Variants in FARS2 observed in about 807,000 individuals in gnomAD.
FARS2 encodes the protein phenylalanine--tRNA ligase, mitochondrial.
Under a neutral mutation model 46.4 loss-of-function variants are expected in FARS2, and 40 were observed. The observed-to-expected ratio is 0.86, with a 90% CI of 0.67 to 1.12. The LOEUF (loss-of-function observed/expected upper bound fraction) is 1.12, where lower values mean the gene tolerates loss of function less well. Among genes scored for constraint, FARS2 ranks in the 50% most tolerant of loss-of-function variants. The pLI, the probability that FARS2 is intolerant of heterozygous loss-of-function variation, is 0.00. For synonymous variants in FARS2, 234 were observed against 214.9 expected (o/e 1.09, Z -0.78); for missense variants, 513 against 567.9 (o/e 0.90, Z 0.98).
At chr6:5,434,293 G>C (rs1322930836) in intron 4 of FARS2, among the ~76,000 whole-genome samples, 1 of 152,004 alleles carries the variant, frequency 6.6e-6, no homozygotes, top group Non-Finnish European at 1.5e-5. Flanking sequence ...TGTATTTTTA[G>C]TAGGGATTGG....
chr6:5,481,634 G>A (rs960567759), intron 4 of FARS2, among the ~76,000 whole-genome samples: 1 of 152,188 alleles, frequency 6.6e-6, no homozygotes, highest in African/African-American at 2.4e-5. Context: ...GTCCTTTAGA[G>A]TCACAGTCCT....
chr6:5,412,004 G>A (rs1761964451), intron 3 of FARS2, among the ~76,000 whole-genome samples: 2 of 152,092 alleles, frequency 1.3e-5, no homozygotes, highest in African/African-American at 4.8e-5. Context: ...GCTAAACATT[G>A]GCATTTCCCT....
chr6:5,577,675 G>T (rs1773066067), intron 5 of FARS2, among the ~76,000 whole-genome samples: 2 of 152,180 alleles, frequency 1.3e-5, no homozygotes, highest in African/African-American at 4.8e-5. Context: ...TAGAGAGCAA[G>T]ACTGTGGAAT....
intron 5 of FARS2, among the ~76,000 whole-genome samples, chr6:5,594,489 G>C (rs1774089763): frequency 1.3e-5 from 2 of 152,172 alleles, no homozygotes; most frequent in Admixed American, 6.5e-5. Context: ...CATGCCATTT[G>C]TTTGGTTTTT....
At chr6:5,279,189 A>G (rs1766543584) in intron 1 of FARS2, among the ~76,000 whole-genome samples, 1 of 152,024 alleles carries the variant, frequency 6.6e-6, no homozygotes, top group Admixed American at 6.6e-5. Context: ...CACCCTGGCT[A>G]ACACGGTGAA....
chr6:5,475,573 G>T (rs73354495), intron 4 of FARS2, among the ~76,000 whole-genome samples: 1,584 of 152,224 alleles, frequency 0.01, 36 homozygotes, highest in African/African-American at 0.036. Flanking sequence ...TAGAATCTCG[G>T]CTCTAGCTCA....
At chr6:5,413,440 A>G (rs1317452611) in intron 3 of FARS2, among the ~76,000 whole-genome samples, 3 of 152,162 alleles carry the variant, frequency 2.0e-5, no homozygotes, top group African/African-American at 7.2e-5. Context: ...ACTGGTACTA[A>G]TAACTCTCAG....
At chr6:5,607,728 A>C (rs1371338630) in intron 5 of FARS2, among the ~76,000 whole-genome samples, 1 of 152,162 alleles carries the variant, frequency 6.6e-6, no homozygotes, top group African/African-American at 2.4e-5. Context: ...TGACGCGTTT[A>C]TACTAGTCTT....
intron 6 of FARS2, among the ~76,000 whole-genome samples, chr6:5,634,147 C>T (rs1014206808): frequency 6.6e-6 from 1 of 151,946 alleles, no homozygotes; most frequent in Admixed American, 6.6e-5. Flanking sequence ...TTTTCTAGTT[C>T]CATCTGGAAT....
At chr6:5,399,975 A>C (rs1021810106) in intron 2 of FARS2, among the ~76,000 whole-genome samples, 2 of 152,192 alleles carry the variant, frequency 1.3e-5, no homozygotes, top group Non-Finnish European at 2.9e-5. Context: ...TTTCAGGGTA[A>C]GTAGTTAGAA....
chr6:5,314,281 AT>A (rs1769290668), intron 1 of FARS2, among the ~76,000 whole-genome samples: 1 of 152,114 alleles, frequency 6.6e-6, no homozygotes, highest in Non-Finnish European at 1.5e-5. Flanking sequence ...TACCTGGGAT[AT>A]TGAAGAGGTG....
At chr6:5,371,203 T>G in intron 2 of FARS2, 1 of 984,212 alleles carries the variant, frequency 1.0e-6, no homozygotes, top group Non-Finnish European at 1.2e-6. Flanking sequence ...AAGATTGTGG[T>G]GTTTTCTGAA....
At position 5,764,464 on chromosome 6, in the gene FARS2, G is replaced by A. The variant is rs549708762; in HGVS notation, c.1218-6827G>A. On this transcript the variant is annotated intron_variant, in intron 6 of 6. Coordinates refer to ENST00000274680, the MANE Select transcript of FARS2 (RefSeq NM_006567.5). This position sits in a 1 kb window ranked among gnomAD's most constrained non-coding sequence, Gnocchi z 4.1. ...GCCATGCACAGTGCCTCTGACGTGG[G>A]CAGCTCCAGACTGAGCTTCTGCATC... Among the ~76,000 whole-genome samples, 1 of 152,252 alleles carries A rather than the reference G, an allele frequency of 6.6e-6. No homozygotes were observed. The highest frequency in any genetic ancestry group is 1.5e-5 in the Non-Finnish European group (1 of 68,018).
chr6:5,653,874 GA>G (rs1381891841), intron 6 of FARS2, among the ~76,000 whole-genome samples: 1 of 151,942 alleles, frequency 6.6e-6, no homozygotes, highest in Non-Finnish European at 1.5e-5. Flanking sequence ...CGGGGAAGAG[GA>G]TAGTGGAGAA....
At chr6:5,259,853 T>C (rs543891394), upstream of FARS2, among the ~76,000 whole-genome samples, 1 of 151,714 alleles carries the variant, frequency 6.6e-6, no homozygotes, top group East Asian at 1.9e-4. Context: ...AGAGAATCCA[T>C]AAGAAAATGA....
intron 6 of FARS2, among the ~76,000 whole-genome samples, chr6:5,618,907 A>G (rs575356047): frequency 1.3e-5 from 2 of 152,356 alleles, no homozygotes; most frequent in South Asian, 4.1e-4. Context: ...TGAGAAGGCA[A>G]TCATGTATGT....
chr6:5,687,347 CT>C (rs1341850268), intron 6 of FARS2, among the ~76,000 whole-genome samples: 2 of 152,198 alleles, frequency 1.3e-5, no homozygotes, highest in Non-Finnish European at 2.9e-5. Flanking sequence ...ACATTTAAGT[CT>C]TTAATCCATC....
At chr6:5,362,465 T>G (rs913597584) in intron 1 of FARS2, among the ~76,000 whole-genome samples, 4 of 152,210 alleles carry the variant, frequency 2.6e-5, no homozygotes, top group African/African-American at 9.7e-5. Flanking sequence ...CACATTTTCT[T>G]TATACACTCA....
At chr6:5,432,399 ATTATGTATT>A (rs1382885100) in intron 4 of FARS2, among the ~76,000 whole-genome samples, 2,378 of 127,438 alleles carry the variant, frequency 0.019, 40 homozygotes, top group South Asian at 0.058. Context: ...CATTATATAT[ATTATGTATT>A]ATATATAATA....
Sources: allele counts gnomAD v4.1 joint callset (sites outside exome capture counted in the v4.1 genomes callset), GRCh38; gene constraint gnomAD v4.1.1; non-coding constraint Gnocchi (gnomAD v3.1); transcripts MANE v1.5; gene names NCBI Gene and HGNC (gene_info 2026-07-23, HGNC 2026-07-21).